Variants in RAB3B observed in about 807,000 individuals in gnomAD.
The protein encoded by RAB3B is ras-related protein Rab-3B.
A neutral mutation model predicts 20.5 loss-of-function variants in RAB3B; 11 were observed. The ratio of observed to expected loss-of-function variants is 0.54; its 90% CI spans 0.34 to 0.89. RAB3B has a LOEUF of 0.89. Ranked by LOEUF, RAB3B falls within the 40% of genes least tolerant of loss-of-function variation. The pLI is 0.02. For synonymous variants in RAB3B, 99 were observed against 106.3 expected, an observed-to-expected ratio of 0.93 and a Z score of 0.42; for missense variants, 225 against 280.9, an observed-to-expected ratio of 0.80 and a Z score of 1.42.
chr1:51,942,996 A>C (rs1399003497), intron 2 of RAB3B, among the ~76,000 whole-genome samples: 1 of 152,086 alleles, frequency 6.6e-6, no homozygotes, highest in African/African-American at 2.4e-5. Flanking sequence ...GTGTGTTCTG[A>C]ATGCTCCACC....
At chr1:51,972,381 C>T (rs919409172) in intron 2 of RAB3B, among the ~76,000 whole-genome samples, 1 of 152,066 alleles carries the variant, frequency 6.6e-6, no homozygotes, top group African/African-American at 2.4e-5. Flanking sequence ...GTCATTTTGT[C>T]ACTCTTAGCG....
At chr1:51,922,704 T>C (rs1684188649) in intron 4 of RAB3B, among the ~76,000 whole-genome samples, 1 of 151,926 alleles carries the variant, frequency 6.6e-6, no homozygotes, top group African/African-American at 2.4e-5. Flanking sequence ...TTTTATTTAT[T>C]TATTTTTTGA....
chr1:51,983,381 C>A (rs1041318565), intron 1 of RAB3B, among the ~76,000 whole-genome samples: 1 of 151,982 alleles, frequency 6.6e-6, no homozygotes, highest in Non-Finnish European at 1.5e-5. Flanking sequence ...TGTTTAGCTA[C>A]ACAAATACTT....
rs184534077 is a variant in RAB3B at position 51,953,848 on chromosome 1, G to A, written c.229-16436C>T. ...CCTAATGGTTAATAAATATACAGAT[G>A]ATTTATTCGATAAATAATCAAAGAA... On this transcript the variant is annotated intron_variant, in intron 2 of 4. Transcript: ENST00000371655. Among the ~76,000 whole-genome samples the A allele has an allele frequency of 5.0e-4, 76 of 152,254 alleles. 1 individual carries two copies. In the South Asian group the frequency reaches 0.01, roughly 21 times the overall value.
At chr1:51,980,301 A>T (rs533833765) in intron 1 of RAB3B, among the ~76,000 whole-genome samples, 1 of 151,952 alleles carries the variant, frequency 6.6e-6, no homozygotes, top group African/African-American at 2.4e-5. Context: ...GGTGGCACAC[A>T]TCTATAATCC....
Position 51,916,024 on chromosome 1 carries a change from A to G in RAB3B, c.*3903T>C, listed in dbSNP as rs1684080071. Reference sequence around the variant, plus strand: ...AAGAGTTTTTAAATATTTTATTTGGATTGTTGAGGAAGATTAAATCCAGGA... The same window carrying G: ...AAGAGTTTTTAAATATTTTATTTGGGTTGTTGAGGAAGATTAAATCCAGGA... On this transcript the variant is annotated 3_prime_UTR_variant, in exon 5 of 5. Transcript: ENST00000371655. 6.6e-6 allele frequency: 1 copy of G among 152,194 alleles called. No homozygotes were observed. The highest frequency in any genetic ancestry group is 2.4e-5 in the African/African-American group (1 of 41,450). 9.4% of individuals were successfully genotyped at this position (152,194 alleles called of 1,614,324 possible). A position where few individuals can be genotyped will look rare whatever the true frequency, so the allele number is the denominator to read the frequency against.
At chr1:51,922,287 T>A (rs185210968) in intron 4 of RAB3B, among the ~76,000 whole-genome samples, 2 of 152,142 alleles carry the variant, frequency 1.3e-5, no homozygotes, top group African/African-American at 4.8e-5. Flanking sequence ...AGTAAGTAAA[T>A]AGGTTTTCAG....
In RAB3B at chr1:51,912,076, CTCT is replaced by C. The variant is rs1475741557; in HGVS notation, c.*7848_*7850del. 6.6e-6 allele frequency: 1 copy of C among 150,682 alleles called. No homozygotes were observed. The highest frequency in any genetic ancestry group is 1.5e-5 in the Non-Finnish European group (1 of 67,702). The allele number at this position is 150,682 out of a possible 1,614,324, so 9.3% of individuals were successfully genotyped here. A position where few individuals can be genotyped will look rare whatever the true frequency, so the allele number is the denominator to read the frequency against. ...TAATAATAATGGAAGTCTCTGAATT[CTCT>C]TCATTTCTTTCCTTTTCTTCTTTTT... On this transcript the variant is annotated 3_prime_UTR_variant, in exon 5 of 5. Transcript: ENST00000371655.
At chr1:51,952,934 A>T (rs1297686065) in intron 2 of RAB3B, among the ~76,000 whole-genome samples, 1 of 151,646 alleles carries the variant, frequency 6.6e-6, no homozygotes, top group African/African-American at 2.4e-5. Context: ...CTGGGCCCTC[A>T]CTTTCAAGTT....
chr1:51,946,117 A>G (rs1465192608), intron 2 of RAB3B, among the ~76,000 whole-genome samples: 2 of 152,226 alleles, frequency 1.3e-5, no homozygotes, highest in African/African-American at 2.4e-5. Context: ...TAATAATATT[A>G]TACTTTGAAG....
chr1:51,957,422 C>G (rs1413407290), intron 2 of RAB3B, among the ~76,000 whole-genome samples: 2 of 152,166 alleles, frequency 1.3e-5, no homozygotes, highest in African/African-American at 2.4e-5. Flanking sequence ...ACTTAATGAA[C>G]AGACAGTGTG....
At chr1:51,927,244 T>C (rs1232112124) in intron 4 of RAB3B, among the ~76,000 whole-genome samples, 5 of 152,080 alleles carry the variant, frequency 3.3e-5, no homozygotes, top group Admixed American at 6.5e-5. Context: ...GAATGCGGAA[T>C]TGGGTAAACT....
rs930558464 is a variant in RAB3B at position 51,951,139 on chromosome 1, T to C, written c.229-13727A>G. Among the ~76,000 whole-genome samples, 10 of 152,186 alleles carry C rather than the reference T, an allele frequency of 6.6e-5. No individual in the cohort carries two copies. In the South Asian group the frequency reaches 1.5e-3, roughly 22 times the overall value. ...TGATTCTGTGATGCAGACTTTTTTT[T>C]TTTTTTTTAACAATTTCAACTTTTG... On this transcript the variant is annotated intron_variant, in intron 2 of 4. Coordinates refer to ENST00000371655, the MANE Select transcript of RAB3B (RefSeq NM_002867.4).
At chr1:51,957,278 T>C (rs1557971545) in intron 2 of RAB3B, among the ~76,000 whole-genome samples, 1 of 152,206 alleles carries the variant, frequency 6.6e-6, no homozygotes, top group Non-Finnish European at 1.5e-5. Context: ...CAATATTCCC[T>C]GCACTTTGGC....
chr1:51,926,022 T>TC (rs906980465), intron 4 of RAB3B, among the ~76,000 whole-genome samples: 1 of 152,192 alleles, frequency 6.6e-6, no homozygotes, highest in African/African-American at 2.4e-5. Context: ...TTGCTGCATC[T>TC]CCAGTCACCT....
Position 51,976,893 on chromosome 1 carries a change from G to A in RAB3B, c.225C>T (p.Ile75=). The A allele has an allele frequency of 6.2e-7, 1 of 1,613,636 alleles. No homozygotes were observed. The highest frequency in any genetic ancestry group is 8.5e-7 in the Non-Finnish European group (1 of 1,179,532). ...YRHEKRVKLQ[I]WDTAGQERYR... ...GCCCAAGATTCCCGGGACTCACCCA[G>A]ATCTGCAGTTTCACCCGCTTCTCGT... The change falls in exon 2 of 5, where the codon ATC becomes ATT. Residue 75 remains isoleucine (I), a synonymous_variant. Transcript: ENST00000371655.
chr1:51,970,462 C>G (rs1684913266), intron 2 of RAB3B, among the ~76,000 whole-genome samples: 1 of 152,158 alleles, frequency 6.6e-6, no homozygotes, highest in African/African-American at 2.4e-5. Flanking sequence ...ACAAAGGGAG[C>G]TCTCAGGGAC....
intron 4 of RAB3B, among the ~76,000 whole-genome samples, chr1:51,923,751 T>C (rs1302938240): frequency 1.3e-5 from 2 of 148,982 alleles, no homozygotes; most frequent in Non-Finnish European, 3.0e-5. Flanking sequence ...TGAGCAAAAC[T>C]GGCTAGGTGC....
At chr1:51,929,330 C>CTTTTTTTTTT (rs956055193) in intron 4 of RAB3B, among the ~76,000 whole-genome samples, 3 of 151,144 alleles carry the variant, frequency 2.0e-5, no homozygotes, top group East Asian at 3.9e-4. Flanking sequence ...CATTCTCTCC[C>CTTTTTTTTTT]TTTTTTTTTC....
Sources: gnomAD v4.1 joint callset for allele counts (sites outside exome capture counted in the v4.1 genomes callset) on GRCh38, gnomAD v4.1.1 for gene constraint, MANE v1.5 for transcripts, NCBI Gene and HGNC (gene_info 2026-07-23, HGNC 2026-07-21) for gene names.